DCLK2: variants seen among roughly 807,000 people sequenced by gnomAD.
DCLK2 encodes doublecortin like kinase 2.
In DCLK2, 31 loss-of-function variants were observed where a neutral mutation model predicts 78.4. The ratio of observed to expected loss-of-function variants is 0.40; its 90% CI spans 0.30 to 0.53. The LOEUF (loss-of-function observed/expected upper bound fraction) is 0.53, where lower values mean the gene tolerates loss of function less well. Ranked by LOEUF, DCLK2 falls within the 20% of genes least tolerant of loss-of-function variation. The probability of loss-of-function intolerance (pLI) is 0.61; values close to 1 mark genes in which losing one functional copy is unlikely to be tolerated. For missense variants in DCLK2, 872 were observed against 973.7 expected (o/e 0.90, Z 1.39); for synonymous variants, 407 against 374.9 (o/e 1.09, Z -0.99).
At chr4:150,253,203 C>A in intron 15 of DCLK2, 1 of 508,642 alleles carries the variant, frequency 2.0e-6, no homozygotes. Context: ...CAAAATGACT[C>A]TCCCTGGTAC....
At chr4:150,134,725 T>G (rs1336509759) in intron 2 of DCLK2, among the ~76,000 whole-genome samples, 2 of 152,224 alleles carry the variant, frequency 1.3e-5, no homozygotes, top group Non-Finnish European at 2.9e-5. Context: ...CTTTCTGCCT[T>G]GTAAAAATCC....
intron 10 of DCLK2, among the ~76,000 whole-genome samples, chr4:150,236,916 C>A (rs1742553535): frequency 6.6e-6 from 1 of 152,190 alleles, no homozygotes; most frequent in South Asian, 2.1e-4. Context: ...GCTCCTGCAT[C>A]TGACTCTGAA....
rs374678417 is a variant in DCLK2 at position 150,239,706 on chromosome 4, A to G, written c.1567-36A>G. ...GCCCTCTCACAATTGTTGAGGAAAA[A>G]AAAATCTTCTGATTGTTGGCTGATT... On this transcript the variant is annotated intron_variant, in intron 10 of 15. Coordinates refer to ENST00000296550, the MANE Select transcript of DCLK2 (RefSeq NM_001040260.4). 12 of 1,607,652 alleles carry G rather than the reference A, an allele frequency of 7.5e-6. No homozygotes were observed. The East Asian group carries it at 2.0e-4, about 27-fold the overall frequency.
chr4:150,147,970 G>A (rs1194348782), intron 2 of DCLK2, among the ~76,000 whole-genome samples: 3 of 152,164 alleles, frequency 2.0e-5, no homozygotes, highest in Admixed American at 6.6e-5. Flanking sequence ...CTATGATAGC[G>A]TTAAAAAGTT....
intron 15 of DCLK2, chr4:150,253,476 T>C: frequency 7.8e-7 from 1 of 1,289,644 alleles, no homozygotes; most frequent in Non-Finnish European, 1.0e-6. Context: ...TTTGACAGTT[T>C]GATTTGACAG....
Position 150,168,216 on chromosome 4 carries a change from G to A in DCLK2, c.757-24922G>A, listed in dbSNP as rs1263387763. Among the ~76,000 whole-genome samples the A allele has an allele frequency of 5.3e-5, 8 of 152,024 alleles. No individual in the cohort carries two copies. The South Asian group carries it at 1.0e-3, about 20-fold the overall frequency. On this transcript the variant is annotated intron_variant, in intron 2 of 15. Coordinates refer to ENST00000296550, the MANE Select transcript of DCLK2 (RefSeq NM_001040260.4). The stretch of plus-strand genomic sequence containing the variant: ...AAATTAGCTGGGCGTGGTGGCAGGC[G>A]CCTGTAGTCCCAGCTACTCTGGAGA...
rs191499731 is a variant in DCLK2 at position 150,138,595 on chromosome 4, T to C, written c.756+35783T>C. Among the ~76,000 whole-genome samples the C allele has an allele frequency of 1.8e-3, 276 of 152,342 alleles. 1 individual carries two copies. The highest frequency in any genetic ancestry group is 6.3e-3 in the African/African-American group (263 of 41,586). On this transcript the variant is annotated intron_variant, in intron 2 of 15. Coordinates refer to ENST00000296550, the MANE Select transcript of DCLK2 (RefSeq NM_001040260.4). ...TCAGCACTTAGAACAGGCCAGGCACTGTGCCAAGTTAAGAGGTTTATATAG... is the reference window on the plus strand; with the variant it reads ...TCAGCACTTAGAACAGGCCAGGCACCGTGCCAAGTTAAGAGGTTTATATAG...
intron 2 of DCLK2, among the ~76,000 whole-genome samples, chr4:150,135,551 G>A (rs982143442): frequency 4.6e-5 from 7 of 152,148 alleles, no homozygotes; most frequent in East Asian, 1.9e-4. Flanking sequence ...AAAATACAAC[G>A]TGTGATAGGT....
chr4:150,247,773 C>G, intron 13 of DCLK2, 74 bp downstream of exon 13: 2 of 1,195,988 alleles, frequency 1.7e-6, no homozygotes, highest in Admixed American at 2.0e-5. Flanking sequence ...GCTGTAGCTG[C>G]GCTAGGTATT....
At chr4:150,108,369 C>T (rs532348524) in intron 2 of DCLK2, among the ~76,000 whole-genome samples, 238 of 151,000 alleles carry the variant, frequency 1.6e-3, no homozygotes, top group African/African-American at 5.4e-3. Flanking sequence ...AGTGAAACCC[C>T]GTCTCTACTA....
chr4:150,152,532 T>C (rs1029960434), intron 2 of DCLK2, among the ~76,000 whole-genome samples: 2 of 152,226 alleles, frequency 1.3e-5, no homozygotes, highest in African/African-American at 4.8e-5. Context: ...TCTGCCCGCC[T>C]CAGCCTCCCA....
intron 1 of DCLK2, among the ~76,000 whole-genome samples, chr4:150,080,114 C>G (rs1359261805): frequency 1.3e-5 from 2 of 149,046 alleles, no homozygotes; most frequent in Admixed American, 1.3e-4. Flanking sequence ...CTCAAAAGCC[C>G]CCCCCCCAGG....
At chr4:150,195,433 TTA>T (rs1491542060) in intron 3 of DCLK2, among the ~76,000 whole-genome samples, 1 of 6,960 alleles carries the variant, frequency 1.4e-4, no homozygotes, top group East Asian at 1.4e-3. Flanking sequence ...ATATTATATA[TTA>T]TATATATAAT....
intron 5 of DCLK2, 96 bp downstream of exon 5, chr4:150,203,985 C>A: frequency 8.7e-7 from 1 of 1,144,054 alleles, no homozygotes; most frequent in Non-Finnish European, 1.3e-6. Context: ...AGTACAGTAG[C>A]AAATTAAAAA....
intron 2 of DCLK2, among the ~76,000 whole-genome samples, chr4:150,185,410 A>G (rs892445619): frequency 1.3e-5 from 2 of 150,186 alleles, no homozygotes; most frequent in Non-Finnish European, 2.9e-5. Context: ...AGATCATATC[A>G]TGCATAGTAT....
chr4:150,177,586 G>A (rs1267119162), intron 2 of DCLK2, among the ~76,000 whole-genome samples: 2 of 152,152 alleles, frequency 1.3e-5, no homozygotes, highest in East Asian at 3.8e-4. Flanking sequence ...ATTTATCTTT[G>A]CAGTTTATGA....
chr4:150,201,846 C>T (rs370037246), intron 4 of DCLK2, among the ~76,000 whole-genome samples: 14 of 152,052 alleles, frequency 9.2e-5, no homozygotes, highest in Non-Finnish European at 2.1e-4. Context: ...CTCACCTCAC[C>T]ACAAGCTTAC....
intron 2 of DCLK2, among the ~76,000 whole-genome samples, chr4:150,111,185 G>A (rs1191168964): frequency 6.6e-6 from 1 of 152,078 alleles, no homozygotes; most frequent in East Asian, 1.9e-4. Context: ...TCTGGTAGGA[G>A]TAAGGTGGTA....
intron 2 of DCLK2, among the ~76,000 whole-genome samples, chr4:150,142,470 G>A (rs1044532586): frequency 6.6e-6 from 1 of 152,122 alleles, no homozygotes; most frequent in African/African-American, 2.4e-5. Flanking sequence ...GATATTTTTA[G>A]TTTCTTTTGC....
Sources: allele counts gnomAD v4.1 joint callset (sites outside exome capture counted in the v4.1 genomes callset), GRCh38; gene constraint gnomAD v4.1.1; transcripts MANE v1.5; gene names NCBI Gene and HGNC (gene_info 2026-07-23, HGNC 2026-07-21).